The following ANXA8 variants were observed in gnomAD, a reference collection of about 807,000 sequenced individuals.
ANXA8 encodes annexin A8, also known as VAC-beta.
Under a neutral mutation model 26.8 loss-of-function variants are expected in ANXA8, and 9 were observed. The ratio of observed to expected loss-of-function variants is 0.34; its 90% confidence interval spans 0.20 to 0.59. The LOEUF is 0.59. Ranked by LOEUF, ANXA8 falls within the 20% of genes least tolerant of loss-of-function variation. The pLI is 0.84. For missense variants in ANXA8, 83 were observed against 238.5 expected (o/e 0.35, Z 4.29); for synonymous variants, 39 against 94.8 (o/e 0.41, Z 3.42).
chr10:47,469,721 C>T (rs1243498314), intron 11 of ANXA8, among the ~76,000 whole-genome samples: 92 of 151,310 alleles, frequency 6.1e-4, no homozygotes, highest in Middle Eastern at 3.4e-3. Context: ...TCATTCACAA[C>T]GGCATGGTGA....
chr10:47,659,483 C>T, the ANXA8 span, among the ~76,000 whole-genome samples: 1 of 151,442 alleles, frequency 6.6e-6, no homozygotes, highest in African/African-American at 2.4e-5. Context: ...AGTTCGAGAC[C>T]AGCCTCAGTA....
chr10:47,521,353 C>G, the ANXA8 span, among the ~76,000 whole-genome samples: 7 of 140,564 alleles, frequency 5.0e-5, 2 homozygotes, highest in Non-Finnish European at 6.1e-5. Context: ...AAGGTACAAT[C>G]AATTAATTCA....
chr10:47,627,729 T>C, the ANXA8 span, among the ~76,000 whole-genome samples: 11 of 150,072 alleles, frequency 7.3e-5, no homozygotes, highest in Admixed American at 4.6e-4. Context: ...TTATAATCAT[T>C]ATTGAACTAA....
the ANXA8 span, among the ~76,000 whole-genome samples, chr10:47,929,985 G>C: frequency 2.6e-5 from 4 of 152,178 alleles, no homozygotes; most frequent in African/African-American, 9.6e-5. Context: ...GTCTCCACCT[G>C]TGTCTGCAGA....
the ANXA8 span, among the ~76,000 whole-genome samples, chr10:47,685,707 G>A: frequency 3.3e-5 from 5 of 150,908 alleles, no homozygotes; most frequent in South Asian, 2.1e-4. Context: ...GGTGGCCCAA[G>A]GAGGAAGAGA....
At chr10:47,667,558 TG>T in the ANXA8 span, among the ~76,000 whole-genome samples, 1 of 151,882 alleles carries the variant, frequency 6.6e-6, no homozygotes, top group Non-Finnish European at 1.5e-5. Context: ...TTATTGTTTT[TG>T]TTTGTTTTTT....
the ANXA8 span, among the ~76,000 whole-genome samples, chr10:47,744,422 T>TTGGGGGGGGGGGGGGGAAGGGGGGGGG: frequency 6.0e-4 from 7 of 11,724 alleles, no homozygotes; most frequent in African/African-American, 1.2e-3. Flanking sequence ...GGGGGGGGGG[T>TTGGGGGGGGGGGGGGGAAGGGGGGGGG]TGGGGGGGAG....
At chr10:47,535,204 C>T in the ANXA8 span, among the ~76,000 whole-genome samples, 3 of 129,218 alleles carry the variant, frequency 2.3e-5, no homozygotes, top group East Asian at 2.9e-4. Flanking sequence ...AAACTCCTGA[C>T]CTCAGGTGAT....
the ANXA8 span, among the ~76,000 whole-genome samples, chr10:47,694,072 T>G: frequency 1.3e-5 from 2 of 151,850 alleles, no homozygotes; most frequent in South Asian, 2.1e-4. Flanking sequence ...AACTCAACTC[T>G]GCAATCTCTG....
At chr10:47,778,136 C>T in the ANXA8 span, among the ~76,000 whole-genome samples, 9 of 150,634 alleles carry the variant, frequency 6.0e-5, no homozygotes, top group African/African-American at 1.5e-4. Context: ...CTGAAATGCT[C>T]GGGGCCAGAG....
At chr10:47,898,811 A>ATTTTTTTTT in the ANXA8 span, among the ~76,000 whole-genome samples, 262 of 56,254 alleles carry the variant, frequency 4.7e-3, 22 homozygotes, top group African/African-American at 8.0e-3. Flanking sequence ...AAGAGAATGG[A>ATTTTTTTTT]TTTTTTTTTT....
the ANXA8 span, among the ~76,000 whole-genome samples, chr10:47,559,142 C>CTTTTTTTTTTTTTTTTTTTTTTTT: frequency 8.2e-5 from 6 of 73,308 alleles, no homozygotes; most frequent in East Asian, 1.4e-3. Flanking sequence ...TGGAGTCTTA[C>CTTTTTTTTTTTTTTTTTTTTTTTT]TTTTTTTTTT....
At chr10:47,485,620 C>T (rs1840024035), upstream of ANXA8, among the ~76,000 whole-genome samples, 8 of 152,050 alleles carry the variant, frequency 5.3e-5, no homozygotes, top group South Asian at 1.2e-3. Flanking sequence ...AAATAGCTTC[C>T]AGCAAGAGAA....
chr10:47,738,515 C>A, the ANXA8 span, among the ~76,000 whole-genome samples: 5 of 150,300 alleles, frequency 3.3e-5, no homozygotes, highest in East Asian at 3.9e-4. Flanking sequence ...ATAAAGTATT[C>A]TTTAATGTTC....
chr10:47,733,211 T>TCTC, the ANXA8 span, among the ~76,000 whole-genome samples: 2 of 82,350 alleles, frequency 2.4e-5, no homozygotes, highest in African/African-American at 4.4e-5. Flanking sequence ...CTTTCTTTCT[T>TCTC]TCTTTCTTTC....
At chr10:47,693,698 A>T in the ANXA8 span, among the ~76,000 whole-genome samples, 2 of 151,812 alleles carry the variant, frequency 1.3e-5, no homozygotes, top group Non-Finnish European at 2.9e-5. Flanking sequence ...TGATTATATT[A>T]TTGGAGGTTC....
chr10:47,918,383 G>GAGAAAGAAAGAAAGAAAGAA, the ANXA8 span, among the ~76,000 whole-genome samples: 12 of 10,496 alleles, frequency 1.1e-3, no homozygotes, highest in Admixed American at 2.7e-3. Context: ...GAGAGAGAGA[G>GAGAAAGAAAGAAAGAAAGAA]AGAAAGAAAG....
chr10:47,722,590 G>C, the ANXA8 span, among the ~76,000 whole-genome samples: 2 of 140,016 alleles, frequency 1.4e-5, 1 homozygote, highest in African/African-American at 5.2e-5. Context: ...GACAAGTTGA[G>C]TTCCTCTTCA....
the ANXA8 span, among the ~76,000 whole-genome samples, chr10:47,938,958 G>C: frequency 7.0e-6 from 1 of 142,094 alleles, no homozygotes; most frequent in Non-Finnish European, 1.5e-5. Flanking sequence ...CCCCCATTAG[G>C]AAAAATACTC....
Sources: allele counts gnomAD v4.1 joint callset (sites outside exome capture counted in the v4.1 genomes callset), GRCh38; gene constraint gnomAD v4.1.1; transcripts MANE v1.5; gene names NCBI Gene and HGNC (gene_info 2026-07-23, HGNC 2026-07-21).